Variants in BBX observed in about 807,000 individuals in gnomAD.
The protein encoded by BBX is BBX high mobility group box domain containing, also known as HMG box transcription factor BBX.
Under a neutral mutation model 100.2 loss-of-function variants are expected in BBX, and 30 were observed. That is an observed-to-expected ratio of 0.30 (90% CI 0.22 to 0.41). The LOEUF (loss-of-function observed/expected upper bound fraction) is 0.41, where lower values mean the gene tolerates loss of function less well. Among genes scored for constraint, BBX ranks in the 10% least tolerant of loss-of-function variants. The probability of loss-of-function intolerance (pLI) is 1.00; values close to 1 mark genes in which losing one functional copy is unlikely to be tolerated. For missense variants in BBX, 1,023 were observed against 1,129.8 expected (o/e 0.91, Z 1.35); for synonymous variants, 376 against 388.1 (o/e 0.97, Z 0.37).
chr3:107,609,098 C>T (rs1238407760), intron 2 of BBX, among the ~76,000 whole-genome samples: 3 of 152,022 alleles, frequency 2.0e-5, no homozygotes, highest in Non-Finnish European at 4.4e-5. Flanking sequence ...GTACTCTTAA[C>T]GGTGGTGAAA....
intron 2 of BBX, among the ~76,000 whole-genome samples, chr3:107,561,689 T>C (rs2050511853): frequency 6.6e-6 from 1 of 152,150 alleles, no homozygotes. Context: ...TACTCAAAAA[T>C]ATGACAATAT....
At chr3:107,587,431 G>A (rs976212703) in intron 2 of BBX, among the ~76,000 whole-genome samples, 3 of 151,114 alleles carry the variant, frequency 2.0e-5, no homozygotes, top group Non-Finnish European at 2.9e-5. Context: ...GGATCTTCTT[G>A]TAATTTTAAA....
At chr3:107,599,112 C>A (rs2053875225) in intron 2 of BBX, among the ~76,000 whole-genome samples, 1 of 152,052 alleles carries the variant, frequency 6.6e-6, no homozygotes, top group Non-Finnish European at 1.5e-5. Context: ...GCCTTACTTT[C>A]CCCTGTGTAA....
chr3:107,533,164 A>G (rs74734236), intron 2 of BBX, among the ~76,000 whole-genome samples: 3,379 of 152,250 alleles, frequency 0.022, 55 homozygotes, highest in Non-Finnish European at 0.035. Context: ...GTTATGTAAT[A>G]TGTGCTATAG....
At chr3:107,598,313 A>AT (rs2053807552) in intron 2 of BBX, among the ~76,000 whole-genome samples, 1 of 152,044 alleles carries the variant, frequency 6.6e-6, no homozygotes, top group African/African-American at 2.4e-5. Flanking sequence ...CTGTTTATAA[A>AT]TTGTCTTTTC....
intron 3 of BBX, among the ~76,000 whole-genome samples, chr3:107,681,053 AAT>A (rs2059547246): frequency 6.6e-6 from 1 of 152,176 alleles, no homozygotes; most frequent in Admixed American, 6.6e-5. Context: ...ATGACACCTG[AAT>A]GGTGGAAGCC....
At chr3:107,778,933 A>G (rs2067560915) in intron 13 of BBX, among the ~76,000 whole-genome samples, 1 of 146,662 alleles carries the variant, frequency 6.8e-6, no homozygotes, top group East Asian at 2.0e-4. Context: ...GCAGATGCTA[A>G]CTACTCTTTA....
At chr3:107,791,869 C>T (rs1233635010) in intron 15 of BBX, among the ~76,000 whole-genome samples, 2 of 152,082 alleles carry the variant, frequency 1.3e-5, no homozygotes, top group African/African-American at 2.4e-5. Flanking sequence ...GCTGTGATAG[C>T]GCATGCCTGT....
intron 2 of BBX, among the ~76,000 whole-genome samples, chr3:107,547,688 A>G (rs1027632815): frequency 6.6e-6 from 1 of 152,074 alleles, no homozygotes; most frequent in Non-Finnish European, 1.5e-5. Context: ...GATCATAACA[A>G]ATATTACTGG....
intron 2 of BBX, among the ~76,000 whole-genome samples, chr3:107,643,764 A>T (rs570593117): frequency 6.6e-6 from 1 of 152,290 alleles, no homozygotes; most frequent in South Asian, 2.1e-4. Flanking sequence ...ATTTAAATGC[A>T]GACCAGGCTA....
In BBX at chr3:107,575,151, C is replaced by A. The variant is rs140651968; in HGVS notation, c.-84+48753C>A. 8.7e-3 allele frequency among the ~76,000 whole-genome samples: 1,331 copies of A among 152,222 alleles called. 26 individuals are homozygous for A. The highest frequency in any genetic ancestry group is 0.031 in the African/African-American group (1,269 of 41,548). ...CTCAGTGAACTTTATGATAAAGTTT[C>A]TTGTAAAGAATTTACTTTCTTTACT... On this transcript the variant is annotated intron_variant, in intron 2 of 17. Transcript: ENST00000325805.
At chr3:107,537,588 A>G (rs1240203267) in intron 2 of BBX, among the ~76,000 whole-genome samples, 2 of 152,230 alleles carry the variant, frequency 1.3e-5, no homozygotes, top group African/African-American at 2.4e-5. Flanking sequence ...GATGTCTTCA[A>G]TCTGTGCTTA....
chr3:107,795,774 C>CA (rs1157081176), intron 15 of BBX, among the ~76,000 whole-genome samples: 1 of 152,056 alleles, frequency 6.6e-6, no homozygotes, highest in Non-Finnish European at 1.5e-5. Flanking sequence ...TTTCCATAGT[C>CA]ACAGTCTGGT....
intron 3 of BBX, among the ~76,000 whole-genome samples, chr3:107,672,685 T>A (rs896675354): frequency 6.6e-6 from 1 of 152,068 alleles, no homozygotes; most frequent in East Asian, 1.9e-4. Flanking sequence ...TAGGATCTTA[T>A]GATAAGTATT....
intron 3 of BBX, among the ~76,000 whole-genome samples, chr3:107,685,944 C>T (rs1028640120): frequency 2.0e-5 from 3 of 152,152 alleles, no homozygotes; most frequent in African/African-American, 7.2e-5. Flanking sequence ...TGACTTCTCT[C>T]ATTAGGATAA....
intron 2 of BBX, among the ~76,000 whole-genome samples, chr3:107,548,383 A>G (rs190695493): frequency 3.3e-4 from 51 of 152,292 alleles, no homozygotes; most frequent in African/African-American, 1.1e-3. Flanking sequence ...TTGTCTATTT[A>G]TAAGCATACT....
chr3:107,705,135 G>A (rs546602575), intron 3 of BBX, among the ~76,000 whole-genome samples: 9 of 152,248 alleles, frequency 5.9e-5, no homozygotes, highest in Admixed American at 5.9e-4. Context: ...CTATGTTACA[G>A]TGTCTTTGGG....
chr3:107,718,910 C>T (rs756054813), intron 5 of BBX, among the ~76,000 whole-genome samples: 54 of 152,114 alleles, frequency 3.5e-4, no homozygotes, highest in Middle Eastern at 3.4e-3. Flanking sequence ...GTAGAAGATT[C>T]GGCTACTTTC....
intron 3 of BBX, among the ~76,000 whole-genome samples, chr3:107,677,737 A>G (rs574468399): frequency 1.4e-3 from 206 of 152,298 alleles, no homozygotes; most frequent in African/African-American, 4.7e-3. Flanking sequence ...CACTAATTAT[A>G]TTTTTAAGTT....
Sources: allele counts gnomAD v4.1 joint callset (sites outside exome capture counted in the v4.1 genomes callset), GRCh38; gene constraint gnomAD v4.1.1; transcripts MANE v1.5; gene names NCBI Gene and HGNC (gene_info 2026-07-23, HGNC 2026-07-21).